The following CCDC39 variants were observed in gnomAD, a reference collection of about 807,000 sequenced individuals.
CCDC39 encodes the protein coiled-coil domain-containing protein 39.
Under a neutral mutation model 121.0 loss-of-function variants are expected in CCDC39, and 113 were observed. The ratio of observed to expected loss-of-function variants is 0.93; its 90% CI spans 0.80 to 1.09. CCDC39 has a LOEUF of 1.09. CCDC39 is among the 50% of genes least tolerant of loss of function. The pLI, the probability that CCDC39 is intolerant of heterozygous loss-of-function variation, is 0.00. For missense variants in CCDC39, 1,063 were observed against 1,074.7 expected, an observed-to-expected ratio of 0.99 and a Z score of 0.15; for synonymous variants, 349 against 352.2, an observed-to-expected ratio of 0.99 and a Z score of 0.10.
At chr3:180,636,184 T>A (rs574549721) in intron 13 of CCDC39, among the ~76,000 whole-genome samples, 1 of 152,204 alleles carries the variant, frequency 6.6e-6, no homozygotes, top group African/African-American at 2.4e-5. Context: ...GCAGATGATA[T>A]GATTCTATAT....
In CCDC39 at chr3:180,647,121, T is replaced by C. The variant is rs755426751; in HGVS notation, c.1485A>G (p.Lys495=). 4 of 1,609,448 alleles carry C rather than the reference T, an allele frequency of 2.5e-6. No individual in the cohort carries two copies. The highest frequency in any genetic ancestry group is 2.7e-5 in the African/African-American group (2 of 74,654). ...GTGTTTCCAAAAGGCCACATGTAGA[T>C]TTTTTCTCTTCCAAAGACTTCCTAA... is the stretch of plus-strand genomic sequence containing the variant. ...VELRKSLEEK[K]STCGLLETQI... is the part of the protein sequence containing the mutation. The change falls in exon 11 of 20, where the codon AAA becomes AAG. Residue 495 remains lysine (K), a synonymous_variant. Coordinates refer to ENST00000476379, the MANE Select transcript of CCDC39 (RefSeq NM_181426.2).
chr3:180,632,195 G>A (rs1437778390), intron 13 of CCDC39, among the ~76,000 whole-genome samples: 3 of 152,142 alleles, frequency 2.0e-5, no homozygotes, highest in African/African-American at 7.2e-5. Flanking sequence ...CTATTCAAAC[G>A]TCTTTAAAAA....
chr3:180,651,525 T>C lies in CCDC39; in HGVS notation c.1043A>G (p.Lys348Arg). The change falls in exon 9 of 20, where the codon AAA becomes AGA. Residue 348 changes from lysine to arginine, a missense_variant. Transcript: ENST00000476379. ...DIHEETARLQ[K>R]TKNHNEIIQT... ...TATTATCTCATTATGATTTTTAGTT[T>C]TTTGTAACCTGAAGAGGGTTTATCA... 3.3e-6 allele frequency: 5 copies of C among 1,524,922 alleles called. No homozygotes were observed. Among genetic ancestry groups the C allele is most frequent in the Non-Finnish European group, 4.4e-6 (5 of 1,139,000 alleles). 94.5% of individuals were successfully genotyped at this position (1,524,922 alleles called of 1,614,324 possible).
intron 9 of CCDC39, among the ~76,000 whole-genome samples, 176 bp downstream of exon 9, chr3:180,651,225 G>A (rs534311615): frequency 2.6e-5 from 4 of 152,042 alleles, no homozygotes; most frequent in Admixed American, 2.0e-4. Flanking sequence ...AGAGGAGACT[G>A]AGAATAACTT....
At chr3:180,616,391 A>G (rs769332826) in intron 18 of CCDC39, 28 bp from the exon 19 acceptor site, 1 of 1,571,592 alleles carries the variant, frequency 6.4e-7, no homozygotes, top group South Asian at 1.2e-5. Flanking sequence ...AGCAATCATT[A>G]GTACTACCTA....
At chr3:180,674,761 G>C (rs187870809) in intron 1 of CCDC39, among the ~76,000 whole-genome samples, 17 of 152,244 alleles carry the variant, frequency 1.1e-4, no homozygotes, top group Middle Eastern at 3.4e-3. Flanking sequence ...CTTTGGTTCT[G>C]TTTATATGCT....
intron 9 of CCDC39, among the ~76,000 whole-genome samples, chr3:180,649,248 T>C (rs1718143912): frequency 6.6e-6 from 1 of 152,096 alleles, no homozygotes; most frequent in African/African-American, 2.4e-5. Flanking sequence ...GAAATGAGTC[T>C]CCCATTCCCA....
chr3:180,641,470 T>C lies in CCDC39; in HGVS notation c.1874+523A>G, dbSNP rs112203980. On this transcript the variant is annotated intron_variant, in intron 13 of 19. Transcript: ENST00000476379. ...AAGCAAGAAATAAAACTGTTATTAT[T>C]TGAAAATAATATAAATGAAATACAG... Among the ~76,000 whole-genome samples, 929 of 152,148 alleles carry C rather than the reference T, an allele frequency of 6.1e-3. 16 individuals carry two copies. The highest frequency in any genetic ancestry group is 0.02 in the African/African-American group (831 of 41,550).
rs1260195310 is a variant in CCDC39 at position 180,644,252 on chromosome 3, A to G, written c.1533T>C (p.Asp511=). The change falls in exon 12 of 20, where the codon GAT becomes GAC. Residue 511 remains aspartate (D), a synonymous_variant. Coordinates refer to ENST00000476379, the MANE Select transcript of CCDC39 (RefSeq NM_181426.2). ...TATGTGCCTTCTTGATAAAATAAAGATCATTCTGCAAAAAAGAAAAAAGGT... is the reference window on the plus strand; with the variant it reads ...TATGTGCCTTCTTGATAAAATAAAGGTCATTCTGCAAAAAAGAAAAAAGGT... The part of the protein sequence containing the change: ...LETQIKKLHN[D]LYFIKKAHSK... 1 of 1,513,844 alleles carries G rather than the reference A, an allele frequency of 6.6e-7. No homozygotes were observed. The highest frequency in any genetic ancestry group is 1.4e-5 in the African/African-American group (1 of 71,318). 93.8% of individuals were successfully genotyped at this position (1,513,844 alleles called of 1,614,324 possible).
intron 3 of CCDC39, 34 bp from the exon 4 acceptor site, chr3:180,660,762 T>G: frequency 6.4e-7 from 1 of 1,561,310 alleles, no homozygotes; most frequent in East Asian, 2.3e-5. Context: ...AAGGGGAGAT[T>G]ACAAAACATT....
rs367822743 is a variant in CCDC39, at chr3:180,647,166, A to G, written c.1440T>C (p.Leu480=). 6.2e-7 allele frequency: 1 copy of G among 1,611,852 alleles called. No individual in the cohort carries two copies. Among genetic ancestry groups the G allele is most frequent in the Non-Finnish European group, 8.5e-7 (1 of 1,179,044 alleles). ...GEINSEEKQA[L]EAKIVELRKS... ...TCCTAAGTTCAACAATTTTTGCTTCAAGCGCTTGTTTTTCTTCTGAATTAA... is the reference window on the plus strand; with the variant it reads ...TCCTAAGTTCAACAATTTTTGCTTCGAGCGCTTGTTTTTCTTCTGAATTAA... The change falls in exon 11 of 20, where the codon CTT becomes CTC. Residue 480 remains leucine, a synonymous_variant. Transcript: ENST00000476379.
chr3:180,670,271 TATC>T (rs1712001619), intron 1 of CCDC39, among the ~76,000 whole-genome samples: 1 of 152,034 alleles, frequency 6.6e-6, no homozygotes, highest in Non-Finnish European at 1.5e-5. Flanking sequence ...GTACAAGTAT[TATC>T]ATGTAATTAA....
chr3:180,615,181 C>G (rs1183811865), intron 19 of CCDC39, 104 bp from the exon 20 acceptor site: 3 of 757,828 alleles, frequency 4.0e-6, no homozygotes, highest in Non-Finnish European at 6.1e-6. Context: ...GTAAAGACAT[C>G]AAAAAAGTAC....
At chr3:180,654,221 C>CAAAAAAAAAAAAAAAA (rs76424115) in intron 7 of CCDC39, among the ~76,000 whole-genome samples, 1 of 44,928 alleles carries the variant, frequency 2.2e-5, no homozygotes, top group Non-Finnish European at 4.4e-5. Context: ...TAGCCACACG[C>CAAAAAAAAAAAAAAAA]AAAAAAAAAA....
In CCDC39 at chr3:180,619,361, A is replaced by G; in HGVS notation, c.2163T>C (p.Asp721=). The change falls in exon 16 of 20, where the codon GAT becomes GAC. Residue 721 remains aspartate, a synonymous_variant. Transcript: ENST00000476379. The part of the protein sequence containing the change: ...QSFKKVTPSS[D]EYELKIQLEE... ...CTAGTTGAATTTTTAGCTCATACTC[A>G]TCACCTGAAATGTAGAACATTTTTA... is the stretch of plus-strand genomic sequence containing the variant. The G allele has an allele frequency of 7.0e-7, 1 of 1,425,220 alleles. No individual in the cohort carries two copies. The allele number at this position is 1,425,220 out of a possible 1,614,324, so 88.3% of individuals were successfully genotyped here. A position where few individuals can be genotyped will look rare whatever the true frequency, so the allele number is the denominator to read the frequency against.
intron 3 of CCDC39, among the ~76,000 whole-genome samples, chr3:180,661,464 T>C (rs1711740104): frequency 6.6e-6 from 1 of 152,042 alleles, no homozygotes; most frequent in Non-Finnish European, 1.5e-5. Flanking sequence ...TAAAGTAGTT[T>C]AATGTTAGAG....
chr3:180,658,242 A>G (rs1173327806), intron 6 of CCDC39, among the ~76,000 whole-genome samples: 2 of 150,948 alleles, frequency 1.3e-5, no homozygotes, highest in Non-Finnish European at 3.0e-5. Flanking sequence ...TCAGTTTCAA[A>G]AAAAAAAGGT....
rs1350333814 is a variant in CCDC39, at chr3:180,642,108, T to C, written c.1759A>G (p.Lys587Glu). ...GCTGTGTATAATTGCTGTTTTCTTT[T>C]TTCTAGGGAAAGAACTTCTTCTGCC... ...SKAEEVLSLE[K>E]RKQQLYTAME... The change falls in exon 13 of 20, where the codon AAA (lysine) becomes GAA (glutamate). Residue 587 changes from lysine to glutamate, a missense_variant. Transcript: ENST00000476379. 6.2e-7 allele frequency: 1 copy of C among 1,613,250 alleles called. No homozygotes were observed. Among genetic ancestry groups the C allele is most frequent in the Non-Finnish European group, 8.5e-7 (1 of 1,179,324 alleles).
At chr3:180,652,860 C>A (rs1711510004) in intron 7 of CCDC39, among the ~76,000 whole-genome samples, 1 of 152,064 alleles carries the variant, frequency 6.6e-6, no homozygotes. Flanking sequence ...TATACACTTA[C>A]AACAAGCAAT....
Sources: allele counts gnomAD v4.1 joint callset (sites outside exome capture counted in the v4.1 genomes callset), GRCh38; gene constraint gnomAD v4.1.1; transcripts MANE v1.5; gene names NCBI Gene and HGNC (gene_info 2026-07-23, HGNC 2026-07-21).